TCF7L1: variants seen among roughly 807,000 people sequenced by gnomAD.
TCF7L1 encodes transcription factor 7 like 1.
A neutral mutation model predicts 63.7 loss-of-function variants in TCF7L1; 18 were observed. The ratio of observed to expected loss-of-function variants is 0.28; its 90% confidence interval spans 0.20 to 0.42. The LOEUF is 0.42. TCF7L1 is among the 10% of genes least tolerant of loss of function. TCF7L1 has a pLI of 1.00. For missense variants in TCF7L1, 654 were observed against 779.3 expected, an observed-to-expected ratio of 0.84 and a Z score of 1.91; for synonymous variants, 355 against 340.9, an observed-to-expected ratio of 1.04 and a Z score of -0.46.
intron 3 of TCF7L1, among the ~76,000 whole-genome samples, chr2:85,173,110 T>C (rs916845998): frequency 6.6e-6 from 1 of 152,248 alleles, no homozygotes; most frequent in African/African-American, 2.4e-5. Flanking sequence ...CCTTATTTCC[T>C]GAGAAAAGTT....
intron 3 of TCF7L1, among the ~76,000 whole-genome samples, chr2:85,258,455 G>A (rs1680776332): frequency 6.6e-6 from 1 of 152,132 alleles, no homozygotes; most frequent in Non-Finnish European, 1.5e-5. Context: ...GCTTTGATGG[G>A]GGTGCTGAGA....
chr2:85,303,497 GAC>G (rs1382966951), intron 5 of TCF7L1: 6 of 168,236 alleles, frequency 3.6e-5, no homozygotes, highest in Admixed American at 6.4e-5. Context: ...TAATGAGGAA[GAC>G]ACATGTGGAG....
chr2:85,262,686 AGGAACTCACAGGGTCTCTCC>A (rs1405134648), intron 3 of TCF7L1, among the ~76,000 whole-genome samples: 3 of 152,252 alleles, frequency 2.0e-5, no homozygotes, highest in African/African-American at 4.8e-5. Context: ...GGGGATACCC[AGGAACTCACAGGGTCTCTCC>A]GGAACTCTGA....
chr2:85,142,771 G>T (rs1677777048), intron 3 of TCF7L1, among the ~76,000 whole-genome samples: 3 of 152,184 alleles, frequency 2.0e-5, no homozygotes, highest in Admixed American at 1.3e-4. Flanking sequence ...ACCATGAGGG[G>T]AGTGAAGGGG....
At chr2:85,236,838 GAGA>G (rs557373386) in intron 3 of TCF7L1, among the ~76,000 whole-genome samples, 325 of 152,288 alleles carry the variant, frequency 2.1e-3, no homozygotes, top group Non-Finnish European at 3.5e-3. Context: ...ACCAGGAGGA[GAGA>G]AGGAGGGACT....
chr2:85,309,800 C>T lies in TCF7L1; in HGVS notation c.*338C>T, dbSNP rs749208808. On this transcript the variant is annotated 3_prime_UTR_variant, in exon 12 of 12. Coordinates refer to ENST00000282111, the MANE Select transcript of TCF7L1 (RefSeq NM_031283.3). ...GCACTTTCTGTCTCCTGTCTCTTCT[C>T]GCCCCTGCCGCCTGCCCCAGCTTCC... 4 of 240,052 alleles carry T rather than the reference C, an allele frequency of 1.7e-5. No individual in the cohort carries two copies. Among genetic ancestry groups the T allele is most frequent in the African/African-American group, 2.3e-5 (1 of 44,388 alleles). The allele number at this position is 240,052 out of a possible 1,614,324, so 14.9% of individuals were successfully genotyped here. A position where few individuals can be genotyped will look rare whatever the true frequency, so the allele number is the denominator to read the frequency against.
At chr2:85,258,342 CTGAGGCT>C (rs1171892745) in intron 3 of TCF7L1, among the ~76,000 whole-genome samples, 3 of 152,180 alleles carry the variant, frequency 2.0e-5, no homozygotes, top group Non-Finnish European at 4.4e-5. Context: ...GAATGGGATC[CTGAGGCT>C]TGAGAGCCTG....
chr2:85,133,936 A>G lies in TCF7L1; in HGVS notation c.249+3A>G, dbSNP rs571266301. On this transcript the variant is annotated splice_donor_region_variant and intron_variant, in intron 1 of 11. Coordinates refer to ENST00000282111, the MANE Select transcript of TCF7L1 (RefSeq NM_031283.3). The surrounding 1 kb of genome is among the most constrained non-coding windows in gnomAD (Gnocchi z 4.4). ...AGAGCAGCAGCTCGGACTCGGAGGT[A>G]AGGAAGCACCGCGGCCACCCCCGGG... is the stretch of plus-strand genomic sequence containing the variant. The G allele has an allele frequency of 6.5e-6, 10 of 1,540,432 alleles. No homozygotes were observed. The East Asian group carries it at 7.3e-5, about 11-fold the overall frequency.
chr2:85,258,753 T>G (rs999625098), intron 3 of TCF7L1, among the ~76,000 whole-genome samples: 2 of 152,148 alleles, frequency 1.3e-5, no homozygotes, highest in Admixed American at 6.5e-5. Flanking sequence ...ATATTGGGGT[T>G]GGGGGGGCTG....
chr2:85,154,479 A>C (rs1019313495), intron 3 of TCF7L1, among the ~76,000 whole-genome samples: 1 of 152,130 alleles, frequency 6.6e-6, no homozygotes, highest in African/African-American at 2.4e-5. Context: ...TGTATTATGC[A>C]GGATTCCTTG....
At chr2:85,150,979 A>G (rs1024199971) in intron 3 of TCF7L1, among the ~76,000 whole-genome samples, 1 of 152,208 alleles carries the variant, frequency 6.6e-6, no homozygotes, top group South Asian at 2.1e-4. Context: ...TTCAGTTGCT[A>G]GATTGTTTCT....
chr2:85,153,515 G>C (rs1574081243), intron 3 of TCF7L1, among the ~76,000 whole-genome samples: 1 of 151,758 alleles, frequency 6.6e-6, no homozygotes, highest in African/African-American at 2.4e-5. Flanking sequence ...CTAATTTTTT[G>C]TATTTTTAGT....
chr2:85,274,634 G>A (rs138811066), intron 3 of TCF7L1, among the ~76,000 whole-genome samples: 14 of 152,304 alleles, frequency 9.2e-5, no homozygotes, highest in African/African-American at 2.9e-4. Context: ...CATCTCTTCC[G>A]CGCTGAGCCT....
At chr2:85,288,469 C>T (rs911812041) in intron 4 of TCF7L1, among the ~76,000 whole-genome samples, 5 of 152,124 alleles carry the variant, frequency 3.3e-5, no homozygotes, top group African/African-American at 1.2e-4. Context: ...GAGGGAGTCA[C>T]AGAGGTTTGG....
intron 3 of TCF7L1, among the ~76,000 whole-genome samples, chr2:85,221,491 C>G (rs181637655): frequency 3.9e-4 from 59 of 152,312 alleles, no homozygotes; most frequent in Non-Finnish European, 7.5e-4. Context: ...AGTCCAAGGG[C>G]ATAGTGCCGA....
chr2:85,203,127 G>A (rs765017227), intron 3 of TCF7L1, among the ~76,000 whole-genome samples: 6 of 152,090 alleles, frequency 3.9e-5, no homozygotes, highest in South Asian at 4.1e-4. Flanking sequence ...GAGCCACCGC[G>A]CCCGCCCAGT....
At chr2:85,223,321 A>G (rs1679887899) in intron 3 of TCF7L1, among the ~76,000 whole-genome samples, 1 of 152,188 alleles carries the variant, frequency 6.6e-6, no homozygotes, top group Non-Finnish European at 1.5e-5. Context: ...TTAGCCTCCC[A>G]AAGTGCCGGG....
intron 3 of TCF7L1, among the ~76,000 whole-genome samples, chr2:85,279,809 G>A (rs1252205881): frequency 6.6e-6 from 1 of 152,170 alleles, no homozygotes; most frequent in African/African-American, 2.4e-5. Context: ...GTCAGTCCCG[G>A]TGAGATGCTC....
intron 3 of TCF7L1, among the ~76,000 whole-genome samples, chr2:85,249,875 C>T (rs550277751): frequency 3.9e-5 from 6 of 152,184 alleles, no homozygotes; most frequent in Non-Finnish European, 8.8e-5. Context: ...TCAGTTTCCT[C>T]ATCTGTGAAA....
Sources: gnomAD v4.1 joint callset for allele counts (sites outside exome capture counted in the v4.1 genomes callset) on GRCh38, gnomAD v4.1.1 for gene constraint, Gnocchi (gnomAD v3.1) non-coding constraint, MANE v1.5 for transcripts, NCBI Gene and HGNC (gene_info 2026-07-23, HGNC 2026-07-21) for gene names.